Variants in DCAF6 observed in about 807,000 individuals in gnomAD.
DCAF6 encodes DDB1- and CUL4-associated factor 6.
In DCAF6, 54 loss-of-function variants were observed where a neutral mutation model predicts 125.1. The observed-to-expected ratio is 0.43, with a 90% CI of 0.35 to 0.54. The LOEUF is 0.54. Ranked by LOEUF, DCAF6 falls within the 20% of genes least tolerant of loss-of-function variation. The pLI, the probability that DCAF6 is intolerant of heterozygous loss-of-function variation, is 0.01. For missense variants in DCAF6, 934 were observed against 1,161.7 expected, an observed-to-expected ratio of 0.80 and a Z score of 2.85; for synonymous variants, 371 against 390.4, an observed-to-expected ratio of 0.95 and a Z score of 0.58.
At chr1:167,904,557 G>A in the DCAF6 span, 25 of 372,550 alleles carry the variant, frequency 6.7e-5, no homozygotes, top group East Asian at 1.2e-3. Flanking sequence ...TCTTTAACTG[G>A]GAATAAAATT....
intron 5 of DCAF6, 58 bp downstream of exon 5, chr1:167,987,666 TGGTTATAATTAAAGTTATAATTAA>T: frequency 2.3e-6 from 2 of 871,798 alleles, no homozygotes; most frequent in South Asian, 3.1e-5. Flanking sequence ...TAATTAAAAT[TGGTTATAATTAAAGTTATAATTAA>T]GGTTATAATT....
At chr1:168,054,613 TC>T (rs1041775716) in intron 17 of DCAF6, among the ~76,000 whole-genome samples, 1 of 152,042 alleles carries the variant, frequency 6.6e-6, no homozygotes, top group African/African-American at 2.4e-5. Flanking sequence ...ATAACTTTTT[TC>T]TAGACTCTTA....
the DCAF6 span, chr1:167,901,875 A>G: frequency 0.01 from 16,783 of 1,612,318 alleles, 124 homozygotes; most frequent in Non-Finnish European, 0.013. Flanking sequence ...TGAGATCTGT[A>G]TAGAAACTTA....
intron 3 of DCAF6, among the ~76,000 whole-genome samples, chr1:167,973,664 C>G (rs1397097797): frequency 6.6e-6 from 1 of 151,982 alleles, no homozygotes; most frequent in African/African-American, 2.4e-5. Context: ...TAAATTTGTT[C>G]CATGGAGATT....
At chr1:167,954,618 A>G (rs1217037954) in intron 2 of DCAF6, among the ~76,000 whole-genome samples, 1 of 151,622 alleles carries the variant, frequency 6.6e-6, no homozygotes, top group East Asian at 2.0e-4. Context: ...AAGCGCGGCT[A>G]ATTTTTGGTA....
the DCAF6 span, chr1:167,880,146 G>T: frequency 1.2e-6 from 2 of 1,613,314 alleles, no homozygotes; most frequent in Non-Finnish European, 1.7e-6. Flanking sequence ...TGTGTCCAAC[G>T]ATCCCACAGA....
intron 5 of DCAF6, among the ~76,000 whole-genome samples, chr1:167,990,128 T>C (rs10918807): frequency 0.03 from 4,569 of 152,220 alleles, 236 homozygotes; most frequent in African/African-American, 0.1. Flanking sequence ...TTTTTTGTTA[T>C]ATTTTAATAG....
chr1:168,001,729 G>T (rs1226666482), intron 7 of DCAF6, among the ~76,000 whole-genome samples: 3 of 151,980 alleles, frequency 2.0e-5, no homozygotes, highest in African/African-American at 7.3e-5. Flanking sequence ...AGAGAAGAGA[G>T]AATAATTGGT....
At chr1:168,019,249 C>T (rs1048390648) in intron 11 of DCAF6, among the ~76,000 whole-genome samples, 1 of 152,056 alleles carries the variant, frequency 6.6e-6, no homozygotes, top group Admixed American at 6.6e-5. Context: ...GGGATTTCAC[C>T]GTGTCAGCCA....
chr1:167,924,285 CAGA>C, the DCAF6 span: 8 of 364,976 alleles, frequency 2.2e-5, no homozygotes, highest in East Asian at 3.4e-4. Flanking sequence ...AGTATGTTCC[CAGA>C]AGGCCTCTTA....
At chr1:168,003,358 T>A (rs181347256) in intron 8 of DCAF6, among the ~76,000 whole-genome samples, 4 of 152,322 alleles carry the variant, frequency 2.6e-5, no homozygotes, top group Admixed American at 2.6e-4. Context: ...CAAAATACTT[T>A]CTGGTTCCAG....
At chr1:168,063,949 AG>A in intron 18 of DCAF6, 190 bp downstream of exon 18, 1 of 472,456 alleles carries the variant, frequency 2.1e-6, no homozygotes. Context: ...ATTTTTTACA[AG>A]AAAACTCTAC....
rs905237757 is a variant in DCAF6 at position 167,948,242 on chromosome 1, A to G, written c.98-3558A>G. 5.3e-5 allele frequency among the ~76,000 whole-genome samples: 8 copies of G among 151,212 alleles called. No individual in the cohort carries two copies. In the East Asian group the frequency reaches 1.2e-3, roughly 22 times the overall value. The stretch of plus-strand genomic sequence containing the variant: ...TCTGATTATAATGTTGCCATGGTGG[A>G]GACCTTTTTACACTGTATTTGTCTG... On this transcript the variant is annotated intron_variant, in intron 1 of 21. Transcript: ENST00000367840.
At chr1:168,063,793 T>C (rs1691923038) in intron 18 of DCAF6, 34 bp downstream of exon 18, 3 of 1,589,194 alleles carry the variant, frequency 1.9e-6, no homozygotes, top group Non-Finnish European at 2.6e-6. Flanking sequence ...TTGGTGAAAT[T>C]GCAGTTTCAT....
the DCAF6 span, chr1:167,880,616 G>A: frequency 6.3e-7 from 1 of 1,598,564 alleles, no homozygotes; most frequent in Non-Finnish European, 8.6e-7. Flanking sequence ...AGCCCTGTGA[G>A]GGAGAGAGAC....
intron 13 of DCAF6, among the ~76,000 whole-genome samples, chr1:168,038,767 A>G (rs918549821): frequency 3.3e-5 from 5 of 152,068 alleles, no homozygotes; most frequent in Non-Finnish European, 5.9e-5. Context: ...CTTCTGATAG[A>G]AAATGCAAAA....
In DCAF6 at chr1:168,004,559, A is replaced by C; in HGVS notation, c.1144A>C (p.Thr382Pro). ...RGGTSQSDISTLPTVPSSPDL... is the reference protein window; with the variant it reads ...RGGTSQSDISPLPTVPSSPDL... ...TGGAACAAGTCAATCAGATATTTCA[A>C]CTCTTCCTACGGTCCCATCAAGTCC... The change falls in exon 10 of 22, where the codon ACT (threonine) becomes CCT (proline). Residue 382 changes from threonine (T) to proline (P), a missense_variant. Thr to Pro is a conservative substitution (Grantham distance 38). Around this residue, in one of 5 missense-constraint regions of DCAF6, gnomAD observed 559 missense variants for 635.5 expected, o/e 0.88. Coordinates refer to ENST00000367840, the MANE Select transcript of DCAF6 (RefSeq NM_001198956.2). 3.7e-6 allele frequency: 6 copies of C among 1,612,496 alleles called. No homozygotes were observed. Among genetic ancestry groups the C allele is most frequent in the Non-Finnish European group, 5.1e-6 (6 of 1,179,168 alleles).
chr1:168,015,901 C>T lies in DCAF6; in HGVS notation c.1499C>T (p.Thr500Ile). The T allele has an allele frequency of 1.3e-6, 2 of 1,541,554 alleles. No homozygotes were observed. The highest frequency in any genetic ancestry group is 8.8e-7 in the Non-Finnish European group (1 of 1,142,454). The change falls in exon 11 of 22, where the codon ACT becomes ATT. Residue 500 changes from threonine to isoleucine, a missense_variant. Coordinates refer to ENST00000367840, the MANE Select transcript of DCAF6 (RefSeq NM_001198956.2). ...LAAHTQQQPS[T>I]SDQSSHEGSS... ...GCACATACCCAGCAACAGCCTTCCACTTCTGATCAGTCTTCTCATGAGGGC... is the reference window on the plus strand; with the variant it reads ...GCACATACCCAGCAACAGCCTTCCATTTCTGATCAGTCTTCTCATGAGGGC...
chr1:167,954,871 TA>T (rs1253391304), intron 2 of DCAF6, among the ~76,000 whole-genome samples: 3 of 152,208 alleles, frequency 2.0e-5, no homozygotes, highest in African/African-American at 7.2e-5. Context: ...TTCATGATGA[TA>T]AAATATCAAT....
Sources: allele counts gnomAD v4.1 joint callset (sites outside exome capture counted in the v4.1 genomes callset), GRCh38; gene constraint gnomAD v4.1.1; regional missense constraint gnomAD v4.1.1; transcripts MANE v1.5; gene names NCBI Gene and HGNC (gene_info 2026-07-23, HGNC 2026-07-21).